Variants in FGD4 observed in about 807,000 individuals in gnomAD.
FGD4 encodes the protein FYVE, RhoGEF and PH domain-containing protein 4.
A neutral mutation model predicts 102.0 loss-of-function variants in FGD4; 42 were observed. That is an observed-to-expected ratio of 0.41 (90% CI 0.32 to 0.53). The LOEUF (loss-of-function observed/expected upper bound fraction) is 0.53. FGD4 is among the 20% of genes least tolerant of loss of function. The pLI, the probability that FGD4 is intolerant of heterozygous loss-of-function variation, is 0.21. For missense variants in FGD4, 902 were observed against 1,078.2 expected, an observed-to-expected ratio of 0.84 and a Z score of 2.29; for synonymous variants, 380 against 375.7, an observed-to-expected ratio of 1.01 and a Z score of -0.13.
Position 32,473,448 on chromosome 12 carries a change from C to T in FGD4, c.166+73489C>T, listed in dbSNP as rs1359904946. On this transcript the variant is annotated intron_variant, in intron 1 of 16. Coordinates refer to ENST00000534526, the MANE Select transcript of FGD4 (RefSeq NM_001370298.3). Reference sequence around the variant, plus strand: ...AACTCCAGACGCGCCGCCTTAAAAGCTGTAACACTCACCGCAAAGGTCTGC... The same window carrying T: ...AACTCCAGACGCGCCGCCTTAAAAGTTGTAACACTCACCGCAAAGGTCTGC... Among the ~76,000 whole-genome samples the T allele has an allele frequency of 2.6e-5, 4 of 152,182 alleles. No homozygotes were observed. In the East Asian group the frequency reaches 7.7e-4, roughly 29 times the overall value.
In FGD4 at chr12:32,399,619, G is replaced by T; in HGVS notation, c.-175G>T. 7.2e-7 allele frequency: 1 copy of T among 1,395,322 alleles called. No homozygotes were observed. Among genetic ancestry groups the T allele is most frequent in the South Asian group, 1.6e-5 (1 of 64,480 alleles). The allele number at this position is 1,395,322 out of a possible 1,614,324, so 86.4% of individuals were successfully genotyped here. A position where few individuals can be genotyped will look rare whatever the true frequency, so the allele number is the denominator to read the frequency against. ...CCGCAGCCAAACTCGCCGCGACGCC[G>T]GGAGGGAGCGTACCGGGAAGGAGAG... On this transcript the variant is annotated 5_prime_UTR_variant, in exon 1 of 17. Transcript: ENST00000534526.
intron 1 of FGD4, among the ~76,000 whole-genome samples, chr12:32,432,012 C>G (rs1262019017): frequency 1.3e-5 from 2 of 150,390 alleles, no homozygotes; most frequent in East Asian, 4.0e-4. Context: ...AAATTGGGAG[C>G]CCTGGTTGGG....
intron 8 of FGD4, among the ~76,000 whole-genome samples, chr12:32,609,794 TG>T (rs2136750327): frequency 6.6e-6 from 1 of 152,308 alleles, no homozygotes; most frequent in South Asian, 2.1e-4. Flanking sequence ...TCAGGGTTGT[TG>T]TGGTAACAGA....
chr12:32,612,746 A>C (rs1251136272), intron 10 of FGD4, among the ~76,000 whole-genome samples: 1 of 152,164 alleles, frequency 6.6e-6, no homozygotes, highest in South Asian at 2.1e-4. Context: ...AAATATATAT[A>C]AGCCTGGTTG....
chr12:32,640,674 G>A lies in FGD4; in HGVS notation c.*141G>A, dbSNP rs1013668558. 8.7e-7 allele frequency: 1 copy of A among 1,152,558 alleles called. No homozygotes were observed. Among genetic ancestry groups the A allele is most frequent in the Non-Finnish European group, 1.2e-6 (1 of 804,050 alleles). The allele number at this position is 1,152,558 out of a possible 1,614,324, so 71.4% of individuals were successfully genotyped here. ...CATCTTTTGAGGACTATTTTCCTATGTTTATGTACTCTTAGTGAAATTAGT... is the reference window on the plus strand; with the variant it reads ...CATCTTTTGAGGACTATTTTCCTATATTTATGTACTCTTAGTGAAATTAGT... On this transcript the variant is annotated 3_prime_UTR_variant, in exon 17 of 17. Coordinates refer to ENST00000534526, the MANE Select transcript of FGD4 (RefSeq NM_001370298.3).
intron 1 of FGD4, among the ~76,000 whole-genome samples, chr12:32,517,763 G>A (rs1052052315): frequency 2.6e-5 from 4 of 152,242 alleles, no homozygotes; most frequent in East Asian, 1.9e-4. Context: ...GCATGTGCCT[G>A]TAGTCCCAGC....
chr12:32,583,733 A>T (rs1946794046), intron 4 of FGD4, among the ~76,000 whole-genome samples: 1 of 152,220 alleles, frequency 6.6e-6, no homozygotes, highest in Non-Finnish European at 1.5e-5. Context: ...TTAAAGAAAA[A>T]AGTGGGTGGG....
chr12:32,564,854 A>G (rs1393364949), intron 2 of FGD4, among the ~76,000 whole-genome samples: 2 of 152,208 alleles, frequency 1.3e-5, no homozygotes, highest in African/African-American at 4.8e-5. Flanking sequence ...TTTTTCAGTG[A>G]CCATTTCCTT....
chr12:32,557,315 C>A (rs958605558), intron 1 of FGD4, among the ~76,000 whole-genome samples: 1 of 152,224 alleles, frequency 6.6e-6, no homozygotes, highest in Non-Finnish European at 1.5e-5. Context: ...TCTCTCACCT[C>A]ACCTCCATCT....
At chr12:32,611,428 A>C in intron 10 of FGD4, 145 bp downstream of exon 10, 1 of 902,812 alleles carries the variant, frequency 1.1e-6, no homozygotes, top group Middle Eastern at 3.5e-4. Context: ...CCAGTCTACT[A>C]AAAATACAAA....
chr12:32,639,449 C>G (rs988114226), intron 16 of FGD4, among the ~76,000 whole-genome samples: 3 of 152,230 alleles, frequency 2.0e-5, no homozygotes, highest in African/African-American at 7.2e-5. Flanking sequence ...CAGGCGTGAG[C>G]CACTGCGCCC....
At chr12:32,476,495 A>G (rs538589349) in intron 1 of FGD4, among the ~76,000 whole-genome samples, 3 of 152,150 alleles carry the variant, frequency 2.0e-5, no homozygotes, top group Non-Finnish European at 2.9e-5. Context: ...GGAATTGTCA[A>G]CTGGGACCTT....
chr12:32,472,445 G>T (rs973018497), intron 1 of FGD4, among the ~76,000 whole-genome samples: 29 of 152,212 alleles, frequency 1.9e-4, no homozygotes, highest in African/African-American at 6.8e-4. Flanking sequence ...GCCAGTGGCT[G>T]CGGAGGGTGT....
At position 32,598,556 on chromosome 12, in the gene FGD4, T is replaced by C. The variant is rs781493748; in HGVS notation, c.1071T>C (p.Ala357=). 3 of 1,613,822 alleles carry C rather than the reference T, an allele frequency of 1.9e-6. No individual in the cohort carries two copies. Among genetic ancestry groups the C allele is most frequent in the Non-Finnish European group, 2.5e-6 (3 of 1,179,876 alleles). ...IANELLLTER[A]YVNRLDLLDQ... ...ATGAACTTTTGCTTACTGAAAGAGC[T>C]TATGTCAACCGACTTGACCTCTTAG... The change falls in exon 5 of 17, where the codon GCT becomes GCC. Residue 357 remains alanine, a synonymous_variant. Coordinates refer to ENST00000534526, the MANE Select transcript of FGD4 (RefSeq NM_001370298.3).
chr12:32,554,480 T>C (rs376717472), intron 1 of FGD4, among the ~76,000 whole-genome samples: 7 of 152,272 alleles, frequency 4.6e-5, no homozygotes, highest in Admixed American at 6.5e-5. Context: ...GTTTGACAAA[T>C]ACATATTGAG....
chr12:32,610,602 A>G (rs147116431), intron 8 of FGD4, among the ~76,000 whole-genome samples, 174 bp from the exon 9 acceptor site: 309 of 152,362 alleles, frequency 2.0e-3, no homozygotes, highest in African/African-American at 7.0e-3. Context: ...CGAAGTTTCA[A>G]GTAATCTGCT....
intron 1 of FGD4, among the ~76,000 whole-genome samples, chr12:32,491,425 A>G (rs534426968): frequency 1.3e-5 from 2 of 152,320 alleles, no homozygotes; most frequent in South Asian, 2.1e-4. Context: ...TGTGTGTGGT[A>G]TAACATTCTT....
chr12:32,442,034 T>C (rs1242565814), intron 1 of FGD4, among the ~76,000 whole-genome samples: 1 of 143,934 alleles, frequency 6.9e-6, no homozygotes, highest in Non-Finnish European at 1.5e-5. Flanking sequence ...AATTCAGGAG[T>C]GTTGTTGTGT....
intron 1 of FGD4, among the ~76,000 whole-genome samples, chr12:32,445,469 A>C (rs1459467806): frequency 6.6e-6 from 1 of 152,210 alleles, no homozygotes; most frequent in Non-Finnish European, 1.5e-5. Context: ...TGTCTGTAAG[A>C]CAATGGCTTT....
Sources: gnomAD v4.1 joint callset for allele counts (sites outside exome capture counted in the v4.1 genomes callset) on GRCh38, gnomAD v4.1.1 for gene constraint, MANE v1.5 for transcripts, NCBI Gene and HGNC (gene_info 2026-07-23, HGNC 2026-07-21) for gene names.